The following NLGN4X variants were observed in gnomAD, a reference collection of about 807,000 sequenced individuals.
NLGN4X encodes neuroligin-4, X-linked.
In NLGN4X, 3 loss-of-function variants were observed where a neutral mutation model predicts 40.3. That is an observed-to-expected ratio of 0.07 (90% CI 0.03 to 0.19). The LOEUF is 0.19. Among genes scored for constraint, NLGN4X ranks in the 10% least tolerant of loss-of-function variants. The pLI, the probability that NLGN4X is intolerant of heterozygous loss-of-function variation, is 1.00. For missense variants in NLGN4X, 382 were observed against 708.3 expected (o/e 0.54, Z 5.23); for synonymous variants, 270 against 306.8 (o/e 0.88, Z 1.25).
chrX:6,174,268 A>T (rs73184653), intron 1 of NLGN4X, among the ~76,000 whole-genome samples: 14,699 of 110,660 alleles, frequency 0.13, 769 homozygotes, highest in Admixed American at 0.16. Flanking sequence ...CAAAAAAAAA[A>T]ATATATAACA....
At chrX:5,972,169 A>ATGTATGCATGCATGCATGTG (rs1345083117) in intron 3 of NLGN4X, among the ~76,000 whole-genome samples, 31 of 110,280 alleles carry the variant, frequency 2.8e-4, no homozygotes, top group Admixed American at 4.8e-4. Flanking sequence ...GTGTGCATGT[A>ATGTATGCATGCATGCATGTG]TGTATGCATG....
chrX:5,923,156 C>G (rs760500309), intron 3 of NLGN4X, among the ~76,000 whole-genome samples: 1 of 111,854 alleles, frequency 8.9e-6, no homozygotes, highest in Non-Finnish European at 1.9e-5. Flanking sequence ...CTCACTTTGT[C>G]ACCCAGGCTG....
At chrX:6,039,604 G>C (rs1250457816) in intron 2 of NLGN4X, among the ~76,000 whole-genome samples, 1 of 112,204 alleles carries the variant, frequency 8.9e-6, no homozygotes, top group Non-Finnish European at 1.9e-5. Flanking sequence ...CCACTAGCAG[G>C]TAAGAAAATT....
chrX:6,058,806 C>G (rs1005643433), intron 2 of NLGN4X, among the ~76,000 whole-genome samples: 1 of 111,543 alleles, frequency 9.0e-6, no homozygotes, highest in Non-Finnish European at 1.9e-5. Flanking sequence ...ATTATACAAC[C>G]TGTTTAAAAA....
chrX:5,930,554 A>G (rs2033511508), intron 3 of NLGN4X, among the ~76,000 whole-genome samples: 1 of 112,416 alleles, frequency 8.9e-6, no homozygotes, highest in African/African-American at 3.2e-5. Context: ...CTATAACCCA[A>G]AATAATGAAT....
chrX:5,949,168 G>A (rs2034224796), intron 3 of NLGN4X, among the ~76,000 whole-genome samples: 1 of 111,902 alleles, frequency 8.9e-6, no homozygotes, highest in South Asian at 3.7e-4. Context: ...ACTGAGGCCA[G>A]CACAAGATGC....
chrX:5,930,493 A>G (rs2033509288), intron 3 of NLGN4X, among the ~76,000 whole-genome samples: 1 of 112,269 alleles, frequency 8.9e-6, no homozygotes, highest in South Asian at 3.7e-4. Context: ...ATTCTTTTAA[A>G]TGCAAAAGCA....
chrX:5,970,340 TA>T (rs2034988426), intron 3 of NLGN4X, among the ~76,000 whole-genome samples: 1 of 109,296 alleles, frequency 9.1e-6, no homozygotes, highest in Admixed American at 9.7e-5. Flanking sequence ...AGTATAATAA[TA>T]AAAGAAAAAG....
chrX:6,077,892 A>T (rs2038246966), intron 2 of NLGN4X, among the ~76,000 whole-genome samples: 1 of 111,830 alleles, frequency 8.9e-6, no homozygotes, highest in Non-Finnish European at 1.9e-5. Context: ...CTTCTACTTC[A>T]TCCCCAGCCT....
chrX:6,028,485 C>A (rs1324736406), intron 3 of NLGN4X, among the ~76,000 whole-genome samples: 3 of 109,554 alleles, frequency 2.7e-5, no homozygotes, highest in African/African-American at 3.3e-5. Flanking sequence ...ATGGTGAAAC[C>A]CTGTCTCTAT....
At chrX:5,926,520 G>C (rs144584879) in intron 3 of NLGN4X, among the ~76,000 whole-genome samples, 1,885 of 110,365 alleles carry the variant, frequency 0.017, 50 homozygotes, top group African/African-American at 0.059. Flanking sequence ...TATTGATCAA[G>C]ATTCAGGAAA....
chrX:6,219,424 T>A (rs200635637), intron 1 of NLGN4X, among the ~76,000 whole-genome samples: 1 of 95,127 alleles, frequency 1.1e-5, no homozygotes. Flanking sequence ...CCTCTCTCCT[T>A]CCTTTTTCTC....
At chrX:5,959,055 C>T (rs1002035499) in intron 3 of NLGN4X, among the ~76,000 whole-genome samples, 7 of 112,157 alleles carry the variant, frequency 6.2e-5, no homozygotes, top group Non-Finnish European at 1.1e-4. Context: ...AAATGTGTTA[C>T]ACATATAGGC....
intron 3 of NLGN4X, among the ~76,000 whole-genome samples, chrX:5,941,049 G>C (rs1349451342): frequency 2.8e-5 from 3 of 108,461 alleles, no homozygotes; most frequent in Non-Finnish European, 5.7e-5. Context: ...GATCACTTGG[G>C]TTCAGGAGGT....
At chrX:6,193,404 G>A (rs193109971) in intron 1 of NLGN4X, among the ~76,000 whole-genome samples, 15,317 of 47,940 alleles carry the variant, frequency 0.32, 1,620 homozygotes, top group South Asian at 0.45. Flanking sequence ...ACGAGACTCC[G>A]TCTCAAAAAA....
At chrX:6,153,777 A>G (rs186535704) in intron 1 of NLGN4X, among the ~76,000 whole-genome samples, 5 of 112,072 alleles carry the variant, frequency 4.5e-5, no homozygotes, top group African/African-American at 6.5e-5. Flanking sequence ...ACTATGAGTC[A>G]CTTATTGGTT....
At chrX:6,050,955 GA>G (rs1569208965) in intron 2 of NLGN4X, among the ~76,000 whole-genome samples, 1 of 111,852 alleles carries the variant, frequency 8.9e-6, no homozygotes, top group African/African-American at 3.3e-5. Context: ...AAGTTGTAAG[GA>G]AATATTCCAG....
At chrX:5,935,938 A>C (rs1267840264) in intron 3 of NLGN4X, among the ~76,000 whole-genome samples, 1 of 111,998 alleles carries the variant, frequency 8.9e-6, no homozygotes, top group African/African-American at 3.2e-5. Flanking sequence ...AAACTTAATA[A>C]AAGAAGGAAA....
chrX:5,985,609 A>T (rs964755673), intron 3 of NLGN4X, among the ~76,000 whole-genome samples: 5 of 111,650 alleles, frequency 4.5e-5, no homozygotes, highest in African/African-American at 1.6e-4. Context: ...TTTAAAAAGC[A>T]ATTCAAGCAA....
Sources: allele counts gnomAD v4.1 joint callset (sites outside exome capture counted in the v4.1 genomes callset), GRCh38; gene constraint gnomAD v4.1.1; transcripts MANE v1.5; gene names NCBI Gene and HGNC (gene_info 2026-07-23, HGNC 2026-07-21).